SYCP1: variants seen among roughly 807,000 people sequenced by gnomAD.
SYCP1 encodes synaptonemal complex protein 1, also known as cancer/testis antigen 8.
A neutral mutation model predicts 153.1 loss-of-function variants in SYCP1; 64 were observed. That is an observed-to-expected ratio of 0.42 (90% confidence interval 0.34 to 0.51). SYCP1 has a LOEUF of 0.51. Ranked by LOEUF, SYCP1 falls within the 20% of genes least tolerant of loss-of-function variation. SYCP1 has a pLI of 0.06. For synonymous variants in SYCP1, 384 were observed against 341.8 expected, an observed-to-expected ratio of 1.12 and a Z score of -1.36; for missense variants, 997 against 1,049.0, an observed-to-expected ratio of 0.95 and a Z score of 0.68.
intron 27 of SYCP1, among the ~76,000 whole-genome samples, chr1:114,962,048 GCTCA>G (rs1671818275): frequency 6.7e-6 from 1 of 150,312 alleles, no homozygotes; most frequent in Admixed American, 6.6e-5. Flanking sequence ...CACAATTTCG[GCTCA>G]CTAAAACCTT....
At chr1:114,992,877 C>T (rs1234187297) in intron 30 of SYCP1, among the ~76,000 whole-genome samples, 1 of 151,344 alleles carries the variant, frequency 6.6e-6, no homozygotes, top group African/African-American at 2.4e-5. Context: ...ATTTAAAAAT[C>T]ATATATATGA....
At position 114,946,376 on chromosome 1, in the gene SYCP1, T is replaced by C. The variant is rs754535568; in HGVS notation, c.2242T>C (p.Ser748Pro). The change falls in exon 26 of 32, where the codon TCT becomes CCT. Residue 748 changes from serine (S) to proline (P), a missense_variant. Coordinates refer to ENST00000369522, the MANE Select transcript of SYCP1 (RefSeq NM_003176.4). ...ACAAGAACAGTCATCACTGAGAGCATCTTTGGTGAGATACAGAAAAAATTG... is the reference window on the plus strand; with the variant it reads ...ACAAGAACAGTCATCACTGAGAGCACCTTTGGTGAGATACAGAAAAAATTG... Reference protein sequence around the residue: ...KEQEQSSLRASLEIELSNLKA... With the variant: ...KEQEQSSLRAPLEIELSNLKA... The C allele has an allele frequency of 1.3e-6, 2 of 1,579,766 alleles. No homozygotes were observed. Among genetic ancestry groups the C allele is most frequent in the Admixed American group, 1.9e-5 (1 of 53,092 alleles).
intron 27 of SYCP1, among the ~76,000 whole-genome samples, chr1:114,957,183 G>T (rs1395978798): frequency 6.6e-6 from 1 of 152,138 alleles, no homozygotes; most frequent in African/African-American, 2.4e-5. Flanking sequence ...TGTGGTCTCA[G>T]CCTACTAAGT....
intron 16 of SYCP1, among the ~76,000 whole-genome samples, chr1:114,909,495 TACACAC>T (rs57520899): frequency 0.03 from 3,161 of 106,472 alleles, 90 homozygotes; most frequent in African/African-American, 0.077. Context: ...TCCCTTGCTG[TACACAC>T]ACACACACAC....
At chr1:114,982,023 C>A (rs1319935748) in intron 29 of SYCP1, among the ~76,000 whole-genome samples, 4 of 152,040 alleles carry the variant, frequency 2.6e-5, no homozygotes, top group African/African-American at 9.7e-5. Context: ...TGGCTCAGTT[C>A]TGACTGTCTT....
chr1:114,884,385 A>G (rs1439308359), intron 12 of SYCP1, among the ~76,000 whole-genome samples: 2 of 152,024 alleles, frequency 1.3e-5, no homozygotes, highest in African/African-American at 4.8e-5. Flanking sequence ...TTTAATTCTT[A>G]CTGTCTTTCA....
intron 16 of SYCP1, among the ~76,000 whole-genome samples, chr1:114,909,091 T>C (rs1668010742): frequency 6.6e-6 from 1 of 152,196 alleles, no homozygotes; most frequent in Admixed American, 6.5e-5. Flanking sequence ...CTTTTGACTC[T>C]GTATATGAAT....
Position 114,895,491 on chromosome 1 carries a change from A to G in SYCP1, c.1302A>G (p.Glu434=), listed in dbSNP as rs755023783. The G allele has an allele frequency of 3.3e-6, 5 of 1,522,190 alleles. No homozygotes were observed. The highest frequency in any genetic ancestry group is 4.5e-6 in the Non-Finnish European group (5 of 1,117,616). The allele number at this position is 1,522,190 out of a possible 1,614,324, so 94.3% of individuals were successfully genotyped here. The change falls in exon 16 of 32, where the codon GAA becomes GAG. Residue 434 remains glutamate (E), a synonymous_variant. Transcript: ENST00000369522. Reference sequence around the variant, plus strand: ...CAAATAACAAAGAAGTAGAACTTGAAGAATTGAAAAAAGTCTTGGTAAGTA... The same window carrying G: ...CAAATAACAAAGAAGTAGAACTTGAGGAATTGAAAAAAGTCTTGGTAAGTA... ...KLTNNKEVEL[E]ELKKVLGEKE...
At chr1:114,915,923 G>A (rs1263413337) in intron 20 of SYCP1, among the ~76,000 whole-genome samples, 7 of 152,102 alleles carry the variant, frequency 4.6e-5, no homozygotes, top group Non-Finnish European at 7.4e-5. Flanking sequence ...CTGTTGTCCC[G>A]CCTGCCTGCA....
At position 114,926,568 on chromosome 1, in the gene SYCP1, T is replaced by C; in HGVS notation, c.1926+5T>C. ...CTGAATGTTTATGAGATAAAGGTAT[T>C]TGGCATCTTTATTTTTGTTTTTTAA... is the stretch of plus-strand genomic sequence containing the variant. On this transcript the variant is annotated splice_donor_5th_base_variant and intron_variant, in intron 23 of 31. Transcript: ENST00000369522. 1.3e-6 allele frequency: 2 copies of C among 1,587,452 alleles called. No homozygotes were observed. The highest frequency in any genetic ancestry group is 8.6e-7 in the Non-Finnish European group (1 of 1,168,284).
chr1:114,873,176 G>A (rs548907887), intron 8 of SYCP1, among the ~76,000 whole-genome samples: 3 of 152,160 alleles, frequency 2.0e-5, no homozygotes, highest in African/African-American at 7.2e-5. Context: ...TGCTTGTCTT[G>A]TCAAAGTGTA....
intron 1 of SYCP1, 177 bp downstream of exon 1, chr1:114,855,195 C>T (rs1663850607): frequency 4.7e-6 from 1 of 211,212 alleles, no homozygotes; most frequent in Non-Finnish European, 9.4e-6. Flanking sequence ...GAGAAGGGAA[C>T]GGGCTTTCTT....
chr1:114,862,319 A>G (rs1664432338), intron 8 of SYCP1, among the ~76,000 whole-genome samples: 1 of 151,632 alleles, frequency 6.6e-6, no homozygotes, highest in Non-Finnish European at 1.5e-5. Context: ...CTTGGGTTAG[A>G]GAGACAAGTC....
intron 16 of SYCP1, among the ~76,000 whole-genome samples, chr1:114,904,544 G>A (rs777461130): frequency 1.1e-4 from 16 of 152,146 alleles, no homozygotes; most frequent in Non-Finnish European, 1.3e-4. Flanking sequence ...CATGAACGTA[G>A]TATCTGTTTC....
At chr1:114,893,431 C>T (rs1039559916) in intron 15 of SYCP1, among the ~76,000 whole-genome samples, 1 of 152,078 alleles carries the variant, frequency 6.6e-6, no homozygotes, top group Non-Finnish European at 1.5e-5. Flanking sequence ...CTTGCTAATT[C>T]AATCTTTAAA....
intron 27 of SYCP1, among the ~76,000 whole-genome samples, chr1:114,951,642 G>C (rs1432703336): frequency 6.6e-6 from 1 of 152,124 alleles, no homozygotes; most frequent in East Asian, 1.9e-4. Context: ...ATAATGTAGA[G>C]AGATCCCATG....
At chr1:114,944,539 C>A (rs1356427068) in intron 24 of SYCP1, 84 bp downstream of exon 24, 3 of 818,490 alleles carry the variant, frequency 3.7e-6, no homozygotes, top group Non-Finnish European at 5.6e-6. Context: ...GTAAAAAAAT[C>A]TTAACTATTA....
chr1:114,974,405 G>A (rs1672684922), intron 27 of SYCP1, among the ~76,000 whole-genome samples: 1 of 151,798 alleles, frequency 6.6e-6, no homozygotes, highest in Non-Finnish European at 1.5e-5. Flanking sequence ...GTACAGTTCA[G>A]CAGTGTTAAG....
intron 8 of SYCP1, among the ~76,000 whole-genome samples, chr1:114,871,879 C>T (rs1665162535): frequency 1.3e-5 from 2 of 150,702 alleles, no homozygotes; most frequent in South Asian, 4.2e-4. Context: ...AGCCACTGCG[C>T]CTGGCCCATT....
Sources: allele counts gnomAD v4.1 joint callset (sites outside exome capture counted in the v4.1 genomes callset), GRCh38; gene constraint gnomAD v4.1.1; transcripts MANE v1.5; gene names NCBI Gene and HGNC (gene_info 2026-07-23, HGNC 2026-07-21).